ENOX2: variants seen among roughly 807,000 people sequenced by gnomAD.
The protein encoded by ENOX2 is APK1 antigen.
ENOX2 carries 36 observed loss-of-function variants against 45.0 expected under a neutral mutation model. The observed-to-expected ratio is 0.80, with a 90% CI of 0.61 to 1.06. The LOEUF (loss-of-function observed/expected upper bound fraction) is 1.06, where lower values mean the gene tolerates loss of function less well. ENOX2 is among the 50% of genes least tolerant of loss of function. The pLI is 0.00. For missense variants in ENOX2, 423 were observed against 462.5 expected (o/e 0.91, Z 0.78); for synonymous variants, 174 against 152.3 (o/e 1.14, Z -1.05).
intron 3 of ENOX2, among the ~76,000 whole-genome samples, chrX:130,712,923 C>T (rs747764740): frequency 1.8e-5 from 2 of 111,900 alleles, no homozygotes; most frequent in Non-Finnish European, 1.9e-5. Context: ...TATGGATTTG[C>T]CACAGGTAAC....
intron 3 of ENOX2, among the ~76,000 whole-genome samples, chrX:130,709,843 G>A (rs2038142449): frequency 9.3e-6 from 1 of 107,859 alleles, no homozygotes; most frequent in African/African-American, 3.4e-5. Flanking sequence ...GTATACACGT[G>A]CCATGGTAGT....
At chrX:130,795,825 T>C (rs1250690158) in intron 2 of ENOX2, among the ~76,000 whole-genome samples, 1 of 111,327 alleles carries the variant, frequency 9.0e-6, no homozygotes, top group Non-Finnish European at 1.9e-5. Flanking sequence ...CTTTTCCTTT[T>C]TCCACCTGGA....
At chrX:130,868,886 C>T (rs1488071454) in intron 2 of ENOX2, among the ~76,000 whole-genome samples, 1 of 111,410 alleles carries the variant, frequency 9.0e-6, no homozygotes, top group Non-Finnish European at 1.9e-5. Flanking sequence ...AGTCACTGGA[C>T]CTAGAAATTT....
intron 12 of ENOX2, among the ~76,000 whole-genome samples, chrX:130,632,135 T>A (rs940073993): frequency 2.7e-5 from 3 of 111,372 alleles, no homozygotes; most frequent in Non-Finnish European, 5.7e-5. Context: ...CTGTTGGTTT[T>A]TGAACTAAAA....
At chrX:130,853,238 G>A (rs1253353600) in intron 2 of ENOX2, among the ~76,000 whole-genome samples, 1 of 109,773 alleles carries the variant, frequency 9.1e-6, no homozygotes, top group African/African-American at 3.3e-5. Flanking sequence ...AGCACTTTGG[G>A]AGGCCGAGGC....
chrX:130,824,143 T>C (rs1349245060), intron 2 of ENOX2, among the ~76,000 whole-genome samples: 2 of 111,992 alleles, frequency 1.8e-5, no homozygotes, highest in Non-Finnish European at 3.8e-5. Flanking sequence ...TCTTAGGAAA[T>C]GGCTTTTTTC....
intron 2 of ENOX2, among the ~76,000 whole-genome samples, chrX:130,839,496 A>G (rs181096009): frequency 1.8e-5 from 2 of 112,131 alleles, no homozygotes; most frequent in Admixed American, 1.9e-4. Flanking sequence ...TAGCCCGGGA[A>G]AAATGGGAGT....
intron 3 of ENOX2, among the ~76,000 whole-genome samples, chrX:130,768,655 A>T (rs2039670771): frequency 8.9e-6 from 1 of 112,103 alleles, no homozygotes; most frequent in Non-Finnish European, 1.9e-5. Context: ...ATGAGTGGCC[A>T]CAGAAAACTG....
chrX:130,692,673 C>T (rs928372165), intron 4 of ENOX2, among the ~76,000 whole-genome samples: 7 of 108,361 alleles, frequency 6.5e-5, no homozygotes, highest in South Asian at 8.5e-4. Context: ...CTCCGCCTCC[C>T]GGGTTCAAGC....
At chrX:130,865,541 G>C (rs1390269304) in intron 2 of ENOX2, among the ~76,000 whole-genome samples, 1 of 111,980 alleles carries the variant, frequency 8.9e-6, no homozygotes, top group Non-Finnish European at 1.9e-5. Context: ...ATATTTAAAA[G>C]TTTTGCACAA....
chrX:130,839,455 T>C (rs1261331737), intron 2 of ENOX2, among the ~76,000 whole-genome samples: 2 of 111,966 alleles, frequency 1.8e-5, no homozygotes, highest in Non-Finnish European at 3.8e-5. Flanking sequence ...CCATACTTAA[T>C]TGCTTTTTAA....
chrX:130,891,395 CAG>C (rs766615477), intron 2 of ENOX2, among the ~76,000 whole-genome samples: 7 of 102,496 alleles, frequency 6.8e-5, no homozygotes, highest in Admixed American at 2.2e-4. Flanking sequence ...AAAGAAATGA[CAG>C]TGATCTAGTA....
intron 6 of ENOX2, among the ~76,000 whole-genome samples, chrX:130,678,147 C>T (rs1447989530): frequency 2.7e-5 from 3 of 109,716 alleles, no homozygotes; most frequent in East Asian, 2.8e-4. Context: ...GAAAATGGAC[C>T]AAGACACACC....
intron 10 of ENOX2, among the ~76,000 whole-genome samples, chrX:130,640,123 C>G (rs914006541): frequency 2.7e-5 from 3 of 111,786 alleles, no homozygotes; most frequent in Non-Finnish European, 3.8e-5. Flanking sequence ...TATAAGTGTA[C>G]TAATCCCATT....
intron 2 of ENOX2, among the ~76,000 whole-genome samples, chrX:130,898,576 G>A (rs1009723728): frequency 1.8e-5 from 2 of 110,365 alleles, no homozygotes; most frequent in African/African-American, 6.6e-5. Flanking sequence ...GTTCTATGAT[G>A]TGAATTTTCT....
rs192264550 is a variant in ENOX2, at chrX:130,873,661, T to C, written c.-183+28023A>G. Among the ~76,000 whole-genome samples, 83 of 112,028 alleles carry C rather than the reference T, an allele frequency of 7.4e-4. 2 individuals carry two copies. Among genetic ancestry groups the C allele is most frequent in the African/African-American group, 2.6e-3 (79 of 30,827 alleles). ...AACCAACACAAATGCCCACAAATGA[T>C]AGACTGGATAAAGAAAATGTGGCAC... On this transcript the variant is annotated intron_variant, in intron 2 of 14. Coordinates refer to ENST00000394363, the MANE Select transcript of ENOX2 (RefSeq NM_006375.4).
intron 3 of ENOX2, among the ~76,000 whole-genome samples, chrX:130,719,480 C>A (rs905082819): frequency 2.8e-5 from 3 of 105,372 alleles, no homozygotes; most frequent in Non-Finnish European, 3.9e-5. Context: ...AAAAAAAAAA[C>A]CAGACAGGGC....
intron 3 of ENOX2, among the ~76,000 whole-genome samples, chrX:130,753,567 T>C (rs2039279989): frequency 1.0e-5 from 1 of 97,403 alleles, no homozygotes; most frequent in South Asian, 5.4e-4. Context: ...TATTCGCCTG[T>C]CTATCTCCCT....
chrX:130,796,203 A>C (rs2077123575), intron 2 of ENOX2, among the ~76,000 whole-genome samples: 1 of 111,661 alleles, frequency 9.0e-6, no homozygotes, highest in Non-Finnish European at 1.9e-5. Flanking sequence ...TGGATTTCAG[A>C]GATATTCAGG....
Sources: allele counts gnomAD v4.1 joint callset (sites outside exome capture counted in the v4.1 genomes callset), GRCh38; gene constraint gnomAD v4.1.1; transcripts MANE v1.5; gene names NCBI Gene and HGNC (gene_info 2026-07-23, HGNC 2026-07-21).